PIEZO1: variants seen among roughly 807,000 people sequenced by gnomAD.
PIEZO1 encodes the protein piezo-type mechanosensitive ion channel component 1.
PIEZO1 carries 296 observed loss-of-function variants against 297.2 expected under a neutral mutation model. The observed-to-expected ratio is 1.00, with a 90% CI of 0.91 to 1.10. The LOEUF (loss-of-function observed/expected upper bound fraction) is 1.10, where lower values mean the gene tolerates loss of function less well. Ranked by LOEUF, PIEZO1 falls within the 50% of genes least tolerant of loss-of-function variation. The pLI is 0.00. For missense variants in PIEZO1, 5,018 were observed against 3,455.5 expected (o/e 1.45, Z -11.34); for synonymous variants, 2,427 against 1,507.5 (o/e 1.61, Z -14.13).
chr16:88,741,351 C>A (rs542139422), intron 5 of PIEZO1, 127 bp downstream of exon 5: 42 of 918,536 alleles, frequency 4.6e-5, no homozygotes, highest in Non-Finnish European at 6.5e-5. Context: ...TTCCTCCTCT[C>A]TTTAACACCA....
chr16:88,776,772 C>T lies in PIEZO1; in HGVS notation c.64+8129G>A, dbSNP rs560160082. Among the ~76,000 whole-genome samples, 7 of 152,320 alleles carry T rather than the reference C, an allele frequency of 4.6e-5. No homozygotes were observed. The East Asian group carries it at 9.7e-4, about 21-fold the overall frequency. ...GACCCTGGCTCGGGGCGGGCCAGTC[C>T]GGCGCTGATAGCCTCTCTGCCACCC... On this transcript the variant is annotated intron_variant, in intron 1 of 50. Coordinates refer to ENST00000301015, the MANE Select transcript of PIEZO1 (RefSeq NM_001142864.4).
rs143054492 is a variant in PIEZO1 at position 88,726,660 on chromosome 16, T to TCAGCGGGGC, written c.3700-26_3700-18dup. 478,338 of 1,469,702 alleles carry TCAGCGGGGC rather than the reference T, an allele frequency of 0.33. 79,389 individuals are homozygous for TCAGCGGGGC. Among genetic ancestry groups the TCAGCGGGGC allele is most frequent in the Non-Finnish European group, 0.35 (387,348 of 1,097,664 alleles). The allele number at this position is 1,469,702 out of a possible 1,614,324, so 91.0% of individuals were successfully genotyped here. On this transcript the variant is annotated splice_polypyrimidine_tract_variant and intron_variant, in intron 25 of 50. Transcript: ENST00000301015. ...GGCCAGGAGCTGGGGGAGAGCAGGG[T>TCAGCGGGGC]CAGCGGGGCCAGCGGGGCCCCAGGG...
In PIEZO1 at chr16:88,765,811, C is replaced by T. The variant is rs188036724; in HGVS notation, c.65-16332G>A. Reference sequence around the variant, plus strand: ...GCCTCAGCCTCCCGAGTAGCTGGGACTACAGACACCTGCCACCACACCCGG... The same window carrying T: ...GCCTCAGCCTCCCGAGTAGCTGGGATTACAGACACCTGCCACCACACCCGG... On this transcript the variant is annotated intron_variant, in intron 1 of 50. Coordinates refer to ENST00000301015, the MANE Select transcript of PIEZO1 (RefSeq NM_001142864.4). Among the ~76,000 whole-genome samples the T allele has an allele frequency of 2.3e-3, 346 of 152,042 alleles. 2 individuals are homozygous for T. The highest frequency in any genetic ancestry group is 4.6e-3 in the South Asian group (22 of 4,800).
chr16:88,733,498 G>A (rs571235544), intron 18 of PIEZO1, 44 bp from the exon 19 acceptor site: 2 of 1,532,406 alleles, frequency 1.3e-6, no homozygotes, highest in South Asian at 2.4e-5. Flanking sequence ...GGAGGGCAGT[G>A]GGCACGTGGG....
intron 27 of PIEZO1, chr16:88,726,020 CT>C (rs1904398369): frequency 1.8e-6 from 1 of 570,144 alleles, no homozygotes; most frequent in South Asian, 2.2e-5. Flanking sequence ...AAACTTAGCC[CT>C]TAGTGGGAAA....
intron 1 of PIEZO1, among the ~76,000 whole-genome samples, chr16:88,771,582 C>T (rs1269870566): frequency 6.6e-6 from 1 of 152,210 alleles, no homozygotes; most frequent in Non-Finnish European, 1.5e-5. Flanking sequence ...CGACAAGTGC[C>T]CTATGACAGT....
At chr16:88,717,774 A>G (rs1444165817) in intron 44 of PIEZO1, 2 of 450,874 alleles carry the variant, frequency 4.4e-6, no homozygotes, top group Non-Finnish European at 8.9e-6. Context: ...GAATACAGAG[A>G]ATTCTTCCAA....
intron 1 of PIEZO1, among the ~76,000 whole-genome samples, chr16:88,783,001 A>G (rs952649926): frequency 1.3e-5 from 2 of 152,152 alleles, no homozygotes; most frequent in Non-Finnish European, 2.9e-5. Flanking sequence ...AAATTAAGAG[A>G]CTTTATTTGG....
intron 1 of PIEZO1, among the ~76,000 whole-genome samples, chr16:88,756,176 C>T (rs1906644701): frequency 6.6e-6 from 1 of 152,162 alleles, no homozygotes; most frequent in Non-Finnish European, 1.5e-5. Flanking sequence ...GGTGACTGTC[C>T]ACTCCTCACG....
At chr16:88,732,263 T>C (rs1426768387) in intron 21 of PIEZO1, 72 bp downstream of exon 21, 5 of 1,356,762 alleles carry the variant, frequency 3.7e-6, no homozygotes, top group Non-Finnish European at 5.1e-6. Context: ...TTGCGGTGCC[T>C]GCACGGTGCA....
chr16:88,726,778 G>A lies in PIEZO1; in HGVS notation c.3636C>T (p.Leu1212=), dbSNP rs112343464. Reference sequence around the variant, plus strand: ...ACAGAATGAGGCAGTCCCACAGCACGAGGCGGGCCCGTGTGTCCCTCTGCA... The same window carrying A: ...ACAGAATGAGGCAGTCCCACAGCACAAGGCGGGCCCGTGTGTCCCTCTGCA... ...ALLQRDTRAR[L]VLWDCLILYN... The change falls in exon 25 of 51, where the codon CTC becomes CTT. Residue 1212 remains leucine (L), a synonymous_variant. Coordinates refer to ENST00000301015, the MANE Select transcript of PIEZO1 (RefSeq NM_001142864.4). The A allele has an allele frequency of 3.3e-4, 515 of 1,550,208 alleles. 1 individual carries two copies. The highest frequency in any genetic ancestry group is 3.1e-3 in the African/African-American group (228 of 73,152).
Position 88,734,632 on chromosome 16 carries a change from G to A in PIEZO1, c.1997+18C>T, listed in dbSNP as rs761977673. On this transcript the variant is annotated intron_variant, in intron 15 of 50. Transcript: ENST00000301015. Reference sequence around the variant, plus strand: ...GGGGTTTCGGCGCCCCTGCCCCACCGCCCCAGCCTGGACTCACTGCTCGTC... The same window carrying A: ...GGGGTTTCGGCGCCCCTGCCCCACCACCCCAGCCTGGACTCACTGCTCGTC... 27 of 1,549,822 alleles carry A rather than the reference G, an allele frequency of 1.7e-5. No homozygotes were observed. The highest frequency in any genetic ancestry group is 7.1e-5 in the South Asian group (6 of 84,064).
At chr16:88,720,564 T>TGG in intron 40 of PIEZO1, 32 bp from the exon 41 acceptor site, 1 of 1,542,118 alleles carries the variant, frequency 6.5e-7, no homozygotes. Flanking sequence ...CTGGGCCCAG[T>TGG]ACCCGCCTCC....
In PIEZO1 at chr16:88,734,132, G is replaced by C. The variant is rs371136815; in HGVS notation, c.2181-78C>G. On this transcript the variant is annotated intron_variant, in intron 16 of 50. Coordinates refer to ENST00000301015, the MANE Select transcript of PIEZO1 (RefSeq NM_001142864.4). ...TCCTGGGGCTGGAAGAAGCCCTGTC[G>C]GCACCGCTTCTGCTGCAGCTGCCAG... 3.7e-5 allele frequency: 53 copies of C among 1,441,796 alleles called. No homozygotes were observed. In the South Asian group the frequency reaches 7.1e-4, roughly 19 times the overall value. 89.3% of individuals were successfully genotyped at this position (1,441,796 alleles called of 1,614,324 possible).
At chr16:88,727,449 C>T (rs149545292) in intron 23 of PIEZO1, 108 bp downstream of exon 23, 157 of 648,320 alleles carry the variant, frequency 2.4e-4, no homozygotes, top group Non-Finnish European at 3.9e-4. Flanking sequence ...ATGTGCCTGA[C>T]CACACCTCCG....
In PIEZO1 at chr16:88,738,762, G is replaced by A. The variant is rs1169104935; in HGVS notation, c.466-26C>T. ...CTGCCAAGGTCACGGACAGGGGCAA[G>A]GTCAGGTGTATCGCACTGACGCCAC... On this transcript the variant is annotated intron_variant, in intron 5 of 50. Coordinates refer to ENST00000301015, the MANE Select transcript of PIEZO1 (RefSeq NM_001142864.4). 1.5e-5 allele frequency: 23 copies of A among 1,518,880 alleles called. No homozygotes were observed. In the South Asian group the frequency reaches 2.2e-4, roughly 14 times the overall value. 94.1% of individuals were successfully genotyped at this position (1,518,880 alleles called of 1,614,324 possible). A position where few individuals can be genotyped will look rare whatever the true frequency, so the allele number is the denominator to read the frequency against.
At position 88,725,666 on chromosome 16, in the gene PIEZO1, G is replaced by T. The variant is rs370458253; in HGVS notation, c.3987C>A (p.Asn1329Lys). ...AGTCAATGCTCTTGAGGTTGGCAGCGTTGTAGAGGGCGAAGCCCCTGTAGG... is the reference window on the plus strand; with the variant it reads ...AGTCAATGCTCTTGAGGTTGGCAGCTTTGTAGAGGGCGAAGCCCCTGTAGG... The part of the protein sequence containing the change: ...LLASRGFALY[N>K]AANLKSIDFH... Residue 1329 changes from asparagine to lysine, a missense_variant, in exon 28 of 51, where the codon AAC becomes AAA. Asn to Lys is a moderately conservative substitution (Grantham distance 94). Transcript: ENST00000301015. The T allele has an allele frequency of 2.6e-6, 4 of 1,546,038 alleles. No individual in the cohort carries two copies. Among genetic ancestry groups the T allele is most frequent in the Middle Eastern group, 1.7e-4 (1 of 5,974 alleles).
chr16:88,741,960 G>GT, intron 4 of PIEZO1, 93 bp downstream of exon 4: 2 of 1,371,052 alleles, frequency 1.5e-6, no homozygotes, highest in East Asian at 5.0e-5. Flanking sequence ...GAGTCTCCAG[G>GT]TCCCCCTCTG....
intron 1 of PIEZO1, among the ~76,000 whole-genome samples, chr16:88,783,890 C>T (rs117170515): frequency 0.013 from 1,966 of 152,322 alleles, 48 homozygotes; most frequent in East Asian, 0.091. Context: ...TGGAGCGAGG[C>T]AAGGGCTCCG....
Sources: allele counts gnomAD v4.1 joint callset (sites outside exome capture counted in the v4.1 genomes callset), GRCh38; gene constraint gnomAD v4.1.1; transcripts MANE v1.5; gene names NCBI Gene and HGNC (gene_info 2026-07-23, HGNC 2026-07-21).